C14orf132: variants seen among roughly 807,000 people sequenced by gnomAD.
C14orf132 encodes uncharacterized protein C14orf132.
Under a neutral mutation model 5.8 loss-of-function variants are expected in C14orf132, and 6 were observed. The observed-to-expected ratio is 1.03, with a 90% CI of 0.57 to 2.04. The LOEUF is 2.04. Among genes scored for constraint, C14orf132 ranks in the 30% most tolerant of loss-of-function variants. C14orf132 has a pLI of 0.00. For missense variants in C14orf132, 125 were observed against 115.8 expected, an observed-to-expected ratio of 1.08 and a Z score of -0.37; for synonymous variants, 51 against 49.8, an observed-to-expected ratio of 1.02 and a Z score of -0.10.
rs996199329 is a variant in C14orf132, at chr14:96,091,183, C to A, written c.*4448C>A. 1.3e-5 allele frequency: 5 copies of A among 375,904 alleles called. No homozygotes were observed. Among genetic ancestry groups the A allele is most frequent in the Admixed American group, 3.3e-5 (1 of 30,502 alleles). The allele number at this position is 375,904 out of a possible 1,614,324, so 23.3% of individuals were successfully genotyped here. A position where few individuals can be genotyped will look rare whatever the true frequency, so the allele number is the denominator to read the frequency against. ...TAGAGGCACCCTGCATCATGCCCAC[C>A]AGGGTGATCCCCCTGGGATGGACCA... On this transcript the variant is annotated 3_prime_UTR_variant, in exon 2 of 2. Transcript: ENST00000555004.
At chr14:96,073,121 A>G (rs1322493325) in intron 1 of C14orf132, among the ~76,000 whole-genome samples, 1 of 151,658 alleles carries the variant, frequency 6.6e-6, no homozygotes, top group Non-Finnish European at 1.5e-5. Context: ...TGGTTGCTCC[A>G]ATTTCTCATC....
intron 1 of C14orf132, among the ~76,000 whole-genome samples, chr14:96,085,577 T>C (rs1235993342): frequency 6.6e-6 from 1 of 152,222 alleles, no homozygotes; most frequent in Admixed American, 6.5e-5. Flanking sequence ...CATTCTGGCA[T>C]CCCGTGTGCA....
chr14:96,065,246 C>G (rs1887496869), intron 1 of C14orf132, among the ~76,000 whole-genome samples: 1 of 152,090 alleles, frequency 6.6e-6, no homozygotes, highest in Non-Finnish European at 1.5e-5. Context: ...CAGTGTGTTC[C>G]CCTGAGAGCT....
At chr14:96,059,776 G>A (rs1177610143) in intron 1 of C14orf132, among the ~76,000 whole-genome samples, 2 of 152,198 alleles carry the variant, frequency 1.3e-5, no homozygotes, top group African/African-American at 4.8e-5. Context: ...GGTGTCTCCA[G>A]TTGCTTCCTG....
At chr14:96,046,022 G>A (rs917096981) in intron 1 of C14orf132, among the ~76,000 whole-genome samples, 1 of 152,148 alleles carries the variant, frequency 6.6e-6, no homozygotes, top group Non-Finnish European at 1.5e-5. Flanking sequence ...GGTGACTTGG[G>A]CTTCCTCCCA....
At chr14:96,066,784 A>G (rs1887543997) in intron 1 of C14orf132, among the ~76,000 whole-genome samples, 1 of 152,188 alleles carries the variant, frequency 6.6e-6, no homozygotes, top group African/African-American at 2.4e-5. Context: ...ATATATTGTA[A>G]TGTAATATAA....
intron 1 of C14orf132, among the ~76,000 whole-genome samples, chr14:96,075,001 C>T (rs1022486891): frequency 3.3e-5 from 5 of 152,150 alleles, no homozygotes; most frequent in Admixed American, 1.3e-4. Flanking sequence ...TTACATCAAT[C>T]TGGGGAGAAT....
At chr14:96,059,700 A>T (rs2139657051) in intron 1 of C14orf132, among the ~76,000 whole-genome samples, 1 of 152,286 alleles carries the variant, frequency 6.6e-6, no homozygotes, top group East Asian at 1.9e-4. Context: ...CTCCCATGCC[A>T]CTGCTTCAGC....
At chr14:96,083,484 G>A (rs1262511656) in intron 1 of C14orf132, among the ~76,000 whole-genome samples, 2 of 152,214 alleles carry the variant, frequency 1.3e-5, no homozygotes, top group Admixed American at 6.5e-5. Context: ...GATGGTAGGA[G>A]TAGCCTGGAT....
chr14:96,040,846 A>C (rs535649591), intron 1 of C14orf132, among the ~76,000 whole-genome samples: 23 of 152,238 alleles, frequency 1.5e-4, no homozygotes, highest in Admixed American at 7.8e-4. Context: ...TTTTAGCTAC[A>C]TGAAAACTAA....
intron 1 of C14orf132, among the ~76,000 whole-genome samples, chr14:96,055,636 G>T (rs552520357): frequency 9.9e-5 from 15 of 152,074 alleles, no homozygotes; most frequent in Non-Finnish European, 2.2e-4. Context: ...TCCGTTTTCC[G>T]CAGCCTGTAA....
In C14orf132 at chr14:96,089,029, T is replaced by C. The variant is rs1467583091; in HGVS notation, c.*2294T>C. 1 of 152,288 alleles carries C rather than the reference T, an allele frequency of 6.6e-6. No homozygotes were observed. Among genetic ancestry groups the C allele is most frequent in the African/African-American group, 2.4e-5 (1 of 41,478 alleles). The allele number at this position is 152,288 out of a possible 1,614,324, so 9.4% of individuals were successfully genotyped here. ...AGGGCATTGGAGGCCTCGACCACTC[T>C]GCATTGCAGATTACAGTGACTTCCT... On this transcript the variant is annotated 3_prime_UTR_variant, in exon 2 of 2. Coordinates refer to ENST00000555004, the MANE Select transcript of C14orf132 (RefSeq NM_001252507.3).
intron 1 of C14orf132, among the ~76,000 whole-genome samples, chr14:96,045,745 A>G (rs1886816839): frequency 6.6e-6 from 1 of 152,242 alleles, no homozygotes; most frequent in Non-Finnish European, 1.5e-5. Flanking sequence ...CCTACCAACC[A>G]TGGTGTGGAC....
intron 1 of C14orf132, among the ~76,000 whole-genome samples, chr14:96,056,747 A>C (rs1344576716): frequency 6.6e-6 from 1 of 152,056 alleles, no homozygotes; most frequent in Non-Finnish European, 1.5e-5. Context: ...CTCTTATTTC[A>C]TGGGGAGATG....
rs1449649271 is a variant in C14orf132, at chr14:96,087,677, G to A, written c.*942G>A. The A allele has an allele frequency of 2.6e-5, 4 of 152,170 alleles. No homozygotes were observed. Among genetic ancestry groups the A allele is most frequent in the South Asian group, 2.1e-4 (1 of 4,822 alleles). 9.4% of individuals were successfully genotyped at this position (152,170 alleles called of 1,614,324 possible). On this transcript the variant is annotated 3_prime_UTR_variant, in exon 2 of 2. Coordinates refer to ENST00000555004, the MANE Select transcript of C14orf132 (RefSeq NM_001252507.3). ...CCCAACTAAGCACTTCCCTGAGGAGGTTGCTGAGAAGCTGCCCTCAGGAGA... is the reference window on the plus strand; with the variant it reads ...CCCAACTAAGCACTTCCCTGAGGAGATTGCTGAGAAGCTGCCCTCAGGAGA...
In C14orf132 at chr14:96,086,776, C is replaced by G. The variant is rs553100714; in HGVS notation, c.*41C>G. The G allele has an allele frequency of 1.1e-5, 17 of 1,516,326 alleles. No individual in the cohort carries two copies. The highest frequency in any genetic ancestry group is 1.5e-5 in the Non-Finnish European group (17 of 1,130,802). The allele number at this position is 1,516,326 out of a possible 1,614,324, so 93.9% of individuals were successfully genotyped here. A position where few individuals can be genotyped will look rare whatever the true frequency, so the allele number is the denominator to read the frequency against. On this transcript the variant is annotated 3_prime_UTR_variant, in exon 2 of 2. Transcript: ENST00000555004. ...CACCACCATGGGGTGAGGCTTGGCA[C>G]GTAGCTCTGACTTGCTGTCGGCCTT...
At chr14:96,048,528 A>G (rs975120567) in intron 1 of C14orf132, among the ~76,000 whole-genome samples, 1 of 151,674 alleles carries the variant, frequency 6.6e-6, no homozygotes, top group South Asian at 2.1e-4. Flanking sequence ...ATTTTTATTT[A>G]TTTTTTATAT....
intron 1 of C14orf132, among the ~76,000 whole-genome samples, chr14:96,072,187 C>T (rs1236668645): frequency 6.6e-6 from 1 of 152,250 alleles, no homozygotes; most frequent in African/African-American, 2.4e-5. Context: ...GCATGTTCTG[C>T]AGGCCTGTCG....
At chr14:96,044,884 A>G (rs1417136691) in intron 1 of C14orf132, among the ~76,000 whole-genome samples, 1 of 152,206 alleles carries the variant, frequency 6.6e-6, no homozygotes, top group Non-Finnish European at 1.5e-5. Flanking sequence ...ACATCTGCAG[A>G]GACTCTGTTT....
Sources: allele counts gnomAD v4.1 joint callset (sites outside exome capture counted in the v4.1 genomes callset), GRCh38; gene constraint gnomAD v4.1.1; transcripts MANE v1.5; gene names NCBI Gene and HGNC (gene_info 2026-07-23, HGNC 2026-07-21).